The following PERP variants were observed in gnomAD, a reference collection of about 807,000 sequenced individuals.
PERP encodes p53 apoptosis effector related to PMP22.
In PERP, 11 loss-of-function variants were observed where a neutral mutation model predicts 20.3. The observed-to-expected ratio is 0.54, with a 90% CI of 0.34 to 0.90. The LOEUF is 0.90. Ranked by LOEUF, PERP falls within the 40% of genes least tolerant of loss-of-function variation. The pLI is 0.02. For missense variants in PERP, 224 were observed against 249.4 expected (o/e 0.90, Z 0.69); for synonymous variants, 101 against 102.0 (o/e 0.99, Z 0.06).
chr6:138,095,168 T>A (rs1393167911), intron 2 of PERP, among the ~76,000 whole-genome samples: 1 of 152,242 alleles, frequency 6.6e-6, no homozygotes, highest in East Asian at 1.9e-4. Context: ...AAAGTGGGCA[T>A]CAACCAGGTT....
chr6:138,105,156 C>T (rs1468129049), intron 1 of PERP, among the ~76,000 whole-genome samples: 1 of 152,154 alleles, frequency 6.6e-6, no homozygotes, highest in East Asian at 1.9e-4. Flanking sequence ...ATTACTGGCA[C>T]TTAATTAACT....
At position 138,103,031 on chromosome 6, in the gene PERP, G is replaced by A. The variant is rs558937884; in HGVS notation, c.214+4096C>T. ...GGAGAATGGTGTGAACCCGGGAGGC[G>A]GAGCTTGCAGTGAGCAGAGATTGTG... is the stretch of plus-strand genomic sequence containing the variant. On this transcript the variant is annotated intron_variant, in intron 1 of 2. Coordinates refer to ENST00000421351, the MANE Select transcript of PERP (RefSeq NM_022121.5). Among the ~76,000 whole-genome samples the A allele has an allele frequency of 2.9e-4, 44 of 151,436 alleles. 1 individual carries two copies. The South Asian group carries it at 8.2e-3, about 28-fold the overall frequency.
rs1251631252 is a variant in PERP, at chr6:138,091,923, T to A, written c.*119A>T. ...TTCTCCCAAATTATTTTAGCATTTT[T>A]GACTAGTTTAATAATATGAACACTG... is the stretch of plus-strand genomic sequence containing the variant. On this transcript the variant is annotated 3_prime_UTR_variant, in exon 3 of 3. Transcript: ENST00000421351. The A allele has an allele frequency of 9.3e-6, 7 of 749,196 alleles. No homozygotes were observed. The highest frequency in any genetic ancestry group is 1.5e-5 in the Non-Finnish European group (7 of 468,692). The allele number at this position is 749,196 out of a possible 1,614,324, so 46.4% of individuals were successfully genotyped here.
In PERP at chr6:138,092,014, G is replaced by A; in HGVS notation, c.*28C>T. 6.3e-7 allele frequency: 1 copy of A among 1,596,434 alleles called. No homozygotes were observed. The highest frequency in any genetic ancestry group is 2.2e-5 in the East Asian group (1 of 44,660). ...TCTTCTGGAGTCCATCTCAGCAGCA[G>A]CGATTTTCTCCCACATTCATTCCCA... On this transcript the variant is annotated 3_prime_UTR_variant, in exon 3 of 3. Coordinates refer to ENST00000421351, the MANE Select transcript of PERP (RefSeq NM_022121.5).
intron 1 of PERP, among the ~76,000 whole-genome samples, chr6:138,100,739 C>T (rs1775758845): frequency 6.6e-6 from 1 of 152,092 alleles, no homozygotes; most frequent in Non-Finnish European, 1.5e-5. Flanking sequence ...AATTTGGTGT[C>T]CTAACTTTAT....
chr6:138,096,702 C>A (rs1775700626), intron 1 of PERP, among the ~76,000 whole-genome samples: 1 of 152,134 alleles, frequency 6.6e-6, no homozygotes, highest in Non-Finnish European at 1.5e-5. Flanking sequence ...TATACTGAGA[C>A]TCAGAAATGC....
At chr6:138,101,749 A>T (rs1212687356) in intron 1 of PERP, among the ~76,000 whole-genome samples, 4 of 152,260 alleles carry the variant, frequency 2.6e-5, no homozygotes, top group Non-Finnish European at 4.4e-5. Context: ...ACAGTTCAAA[A>T]AATTAAAAAG....
At position 138,107,361 on chromosome 6, in the gene PERP, C is replaced by A. The variant is rs891382361; in HGVS notation, c.-21G>T. The A allele has an allele frequency of 6.4e-7, 1 of 1,564,142 alleles. No homozygotes were observed. The highest frequency in any genetic ancestry group is 1.8e-5 in the Admixed American group (1 of 56,840). The stretch of plus-strand genomic sequence containing the variant: ...ATCATGTTGACGGGCGGCGCGGGGC[C>A]GAGCGGAGCGGAGCGGAGCGGGTCG... On this transcript the variant is annotated 5_prime_UTR_variant, in exon 1 of 3. Coordinates refer to ENST00000421351, the MANE Select transcript of PERP (RefSeq NM_022121.5). This position sits in a 1 kb window ranked among gnomAD's most constrained non-coding sequence, Gnocchi z 4.8.
At chr6:138,096,570 T>A in intron 1 of PERP, 76 bp from the exon 2 acceptor site, 1 of 1,480,186 alleles carries the variant, frequency 6.8e-7, no homozygotes. Flanking sequence ...AGTATCAACA[T>A]GGTTTTGGGC....
intron 1 of PERP, among the ~76,000 whole-genome samples, chr6:138,101,369 C>CA (rs571131345): frequency 1.9e-4 from 29 of 150,668 alleles, no homozygotes; most frequent in Non-Finnish European, 3.4e-4. Flanking sequence ...GACTCTGTCT[C>CA]AAAAAAAAGT....
chr6:138,106,786 G>A (rs1370117331), intron 1 of PERP, among the ~76,000 whole-genome samples: 1 of 152,010 alleles, frequency 6.6e-6, no homozygotes. Context: ...AGAAATTTCA[G>A]GTCTCCAAGA....
Position 138,089,617 on chromosome 6 carries a change from T to C in PERP, c.*2425A>G, listed in dbSNP as rs191964564. 1 of 152,326 alleles carries C rather than the reference T, an allele frequency of 6.6e-6. No individual in the cohort carries two copies. The highest frequency in any genetic ancestry group is 1.9e-4 in the East Asian group (1 of 5,186). 9.4% of individuals were successfully genotyped at this position (152,326 alleles called of 1,614,324 possible). Reference sequence around the variant, plus strand: ...TGGGAAATCTCATGCAATGCACTGTTAGCCTTCAGGTGGTTTCTCAGCCCA... The same window carrying C: ...TGGGAAATCTCATGCAATGCACTGTCAGCCTTCAGGTGGTTTCTCAGCCCA... On this transcript the variant is annotated 3_prime_UTR_variant, in exon 3 of 3. Coordinates refer to ENST00000421351, the MANE Select transcript of PERP (RefSeq NM_022121.5).
intron 2 of PERP, among the ~76,000 whole-genome samples, chr6:138,093,055 G>A (rs1775615926): frequency 6.6e-6 from 1 of 152,196 alleles, no homozygotes; most frequent in Non-Finnish European, 1.5e-5. Flanking sequence ...CTTTGTAATA[G>A]TATTTAAGCA....
chr6:138,094,176 G>A (rs998544909), intron 2 of PERP, among the ~76,000 whole-genome samples: 2 of 152,090 alleles, frequency 1.3e-5, no homozygotes, highest in African/African-American at 4.8e-5. Flanking sequence ...TTCACTCTAA[G>A]TGTACAATTC....
intron 1 of PERP, among the ~76,000 whole-genome samples, chr6:138,102,645 G>A (rs745494697): frequency 2.7e-4 from 41 of 152,120 alleles, no homozygotes; most frequent in Non-Finnish European, 5.1e-4. Context: ...TGCTGAGTGA[G>A]GCACATGTGG....
rs754607689 is a variant in PERP at position 138,092,015 on chromosome 6, C to T, written c.*27G>A. ...CTTCTGGAGTCCATCTCAGCAGCAG[C>T]GATTTTCTCCCACATTCATTCCCAA... On this transcript the variant is annotated 3_prime_UTR_variant, in exon 3 of 3. Transcript: ENST00000421351. 3.8e-6 allele frequency: 6 copies of T among 1,597,344 alleles called. No individual in the cohort carries two copies. Among genetic ancestry groups the T allele is most frequent in the Non-Finnish European group, 5.1e-6 (6 of 1,167,080 alleles).
At chr6:138,098,841 A>G (rs1182721438) in intron 1 of PERP, among the ~76,000 whole-genome samples, 1 of 152,254 alleles carries the variant, frequency 6.6e-6, no homozygotes, top group South Asian at 2.1e-4. Context: ...TTATACGGAC[A>G]ATTTTTATTA....
At chr6:138,094,342 C>A (rs959956127) in intron 2 of PERP, among the ~76,000 whole-genome samples, 1 of 152,048 alleles carries the variant, frequency 6.6e-6, no homozygotes, top group African/African-American at 2.4e-5. Flanking sequence ...CTCCCTGTCT[C>A]TGTAAATTTG....
intron 2 of PERP, among the ~76,000 whole-genome samples, chr6:138,092,878 T>G (rs1775612858): frequency 1.3e-5 from 2 of 151,054 alleles, no homozygotes; most frequent in Non-Finnish European, 2.9e-5. Flanking sequence ...GAAACAGACG[T>G]GGAGGGAGGG....
Sources: allele counts gnomAD v4.1 joint callset (sites outside exome capture counted in the v4.1 genomes callset), GRCh38; gene constraint gnomAD v4.1.1; non-coding constraint Gnocchi (gnomAD v3.1); transcripts MANE v1.5; gene names NCBI Gene and HGNC (gene_info 2026-07-23, HGNC 2026-07-21).